Variants in CLYBL observed in about 807,000 individuals in gnomAD.
CLYBL encodes the protein citramalyl-CoA lyase.
CLYBL carries 31 observed loss-of-function variants against 38.9 expected under a neutral mutation model. The observed-to-expected ratio is 0.80, with a 90% confidence interval of 0.60 to 1.08. The LOEUF (loss-of-function observed/expected upper bound fraction) is 1.08, where lower values mean the gene tolerates loss of function less well. Ranked by LOEUF, CLYBL falls within the 50% of genes least tolerant of loss-of-function variation. The pLI is 0.00. For synonymous variants in CLYBL, 171 were observed against 158.6 expected (o/e 1.08, Z -0.59); for missense variants, 434 against 411.6 (o/e 1.05, Z -0.47).
At chr13:99,791,164 C>T (rs965153223) in intron 2 of CLYBL, among the ~76,000 whole-genome samples, 3 of 152,038 alleles carry the variant, frequency 2.0e-5, no homozygotes, top group African/African-American at 7.2e-5. Flanking sequence ...ACAGAAAACT[C>T]ATTTAAATTT....
At chr13:99,797,152 T>C (rs1376008201) in intron 2 of CLYBL, among the ~76,000 whole-genome samples, 1 of 152,238 alleles carries the variant, frequency 6.6e-6, no homozygotes, top group Admixed American at 6.5e-5. Flanking sequence ...TTGGGAGTTA[T>C]ATAGAGTTCA....
At chr13:99,642,606 T>G (rs964919771) in intron 1 of CLYBL, among the ~76,000 whole-genome samples, 1 of 151,190 alleles carries the variant, frequency 6.6e-6, no homozygotes, top group African/African-American at 2.4e-5. Flanking sequence ...TTTGTAGAGA[T>G]GAGGTCTCCC....
chr13:99,707,987 T>C (rs922250108), intron 1 of CLYBL, among the ~76,000 whole-genome samples: 2 of 152,070 alleles, frequency 1.3e-5, no homozygotes, highest in Non-Finnish European at 2.9e-5. Context: ...TTAGTTTTGT[T>C]TTGTTTTGCT....
chr13:99,819,935 C>G (rs1330644733), intron 2 of CLYBL, among the ~76,000 whole-genome samples: 2 of 152,118 alleles, frequency 1.3e-5, no homozygotes, highest in African/African-American at 2.4e-5. Flanking sequence ...TCTGGGCATT[C>G]CTTAGCCCAG....
intron 1 of CLYBL, among the ~76,000 whole-genome samples, chr13:99,694,852 A>G (rs1211719726): frequency 6.6e-6 from 1 of 152,206 alleles, no homozygotes; most frequent in African/African-American, 2.4e-5. Flanking sequence ...GTTACAAGGA[A>G]ACTTGCATAT....
At chr13:99,856,739 A>C (rs1461818274) in intron 2 of CLYBL, among the ~76,000 whole-genome samples, 1 of 151,980 alleles carries the variant, frequency 6.6e-6, no homozygotes, top group East Asian at 1.9e-4. Context: ...CCTGGGTTCA[A>C]ACGATTCTCC....
At chr13:99,780,367 A>G (rs2806308) in intron 2 of CLYBL, among the ~76,000 whole-genome samples, 4,159 of 152,152 alleles carry the variant, frequency 0.027, 164 homozygotes, top group African/African-American at 0.095. Context: ...AAAAATTTCT[A>G]TATCCATGTT....
intron 4 of CLYBL, among the ~76,000 whole-genome samples, chr13:99,864,435 G>A (rs2051687812): frequency 6.6e-6 from 1 of 152,104 alleles, no homozygotes; most frequent in Non-Finnish European, 1.5e-5. Context: ...AATTCAATTA[G>A]TTTGATTTTA....
At chr13:99,704,502 A>G (rs990221906) in intron 1 of CLYBL, among the ~76,000 whole-genome samples, 2 of 152,216 alleles carry the variant, frequency 1.3e-5, no homozygotes, top group Non-Finnish European at 2.9e-5. Flanking sequence ...TAGGACTCAT[A>G]TAATGATTAT....
At chr13:99,644,178 C>T (rs76601890) in intron 1 of CLYBL, among the ~76,000 whole-genome samples, 28 of 129,162 alleles carry the variant, frequency 2.2e-4, no homozygotes, top group South Asian at 2.1e-3. Context: ...TATGTATGTA[C>T]ATGTGTATGT....
intron 7 of CLYBL, among the ~76,000 whole-genome samples, chr13:99,881,864 T>C (rs968541705): frequency 6.6e-6 from 1 of 152,228 alleles, no homozygotes; most frequent in Non-Finnish European, 1.5e-5. Context: ...GTCACTCATA[T>C]ATTGTATTAT....
intron 1 of CLYBL, among the ~76,000 whole-genome samples, chr13:99,721,469 T>A (rs1005511044): frequency 1.3e-5 from 2 of 150,648 alleles, no homozygotes; most frequent in African/African-American, 2.4e-5. Context: ...TTTTCTTTTT[T>A]TAAATATATA....
In CLYBL at chr13:99,677,473, C is replaced by T. The variant is rs181898010; in HGVS notation, c.62+70716C>T. On this transcript the variant is annotated intron_variant, in intron 1 of 8. Transcript: ENST00000339105. ...AGAGTTTTTATTAAATATGAGTGCACGTGTGTCTGTGTCTGTGTGTGTTTT... is the reference window on the plus strand; with the variant it reads ...AGAGTTTTTATTAAATATGAGTGCATGTGTGTCTGTGTCTGTGTGTGTTTT... Among the ~76,000 whole-genome samples, 11 of 152,168 alleles carry T rather than the reference C, an allele frequency of 7.2e-5. No individual in the cohort carries two copies. The East Asian group carries it at 1.7e-3, about 24-fold the overall frequency.
At chr13:99,880,065 T>TAC (rs1566365390) in intron 7 of CLYBL, among the ~76,000 whole-genome samples, 67 of 62,830 alleles carry the variant, frequency 1.1e-3, no homozygotes, top group African/African-American at 3.2e-3. Context: ...TATATATATA[T>TAC]ATATTTTTTT....
intron 2 of CLYBL, among the ~76,000 whole-genome samples, chr13:99,788,652 T>G (rs1422225281): frequency 1.3e-5 from 2 of 152,172 alleles, no homozygotes; most frequent in Admixed American, 6.5e-5. Flanking sequence ...GATTTTGGTC[T>G]AAAGTTCTAT....
At chr13:99,877,559 A>T in intron 7 of CLYBL, 1 of 342,584 alleles carries the variant, frequency 2.9e-6, no homozygotes, top group Non-Finnish European at 5.6e-6. Context: ...TTAATTAAAG[A>T]ATTTTGTAAT....
chr13:99,804,236 C>T (rs2050188917), intron 2 of CLYBL, among the ~76,000 whole-genome samples: 1 of 152,242 alleles, frequency 6.6e-6, no homozygotes, highest in Non-Finnish European at 1.5e-5. Context: ...TCAGGAAGTC[C>T]TGCTGCAGGA....
Position 99,821,446 on chromosome 13 carries a change from A to G in CLYBL, c.250-37415A>G, listed in dbSNP as rs530422192. ...TCAAAAATTGCTCCTGTTATTGGATAAATATACACTTAATTTTCTTTTCTT... is the reference window on the plus strand; with the variant it reads ...TCAAAAATTGCTCCTGTTATTGGATGAATATACACTTAATTTTCTTTTCTT... On this transcript the variant is annotated intron_variant, in intron 2 of 8. Transcript: ENST00000339105. Among the ~76,000 whole-genome samples the G allele has an allele frequency of 3.3e-5, 5 of 152,356 alleles. No individual in the cohort carries two copies. In the South Asian group the frequency reaches 1.0e-3, roughly 32 times the overall value.
At chr13:99,654,447 G>A (rs1031987740) in intron 1 of CLYBL, among the ~76,000 whole-genome samples, 6 of 152,152 alleles carry the variant, frequency 3.9e-5, no homozygotes, top group African/African-American at 1.4e-4. Flanking sequence ...GCCCCAGTGC[G>A]GTAGGGTGGG....
Sources: gnomAD v4.1 joint callset for allele counts (sites outside exome capture counted in the v4.1 genomes callset) on GRCh38, gnomAD v4.1.1 for gene constraint, MANE v1.5 for transcripts, NCBI Gene and HGNC (gene_info 2026-07-23, HGNC 2026-07-21) for gene names.